Variants in CDH13 observed in about 807,000 individuals in gnomAD.
CDH13 encodes cadherin 13, also known as cadherin-13.
A neutral mutation model predicts 63.8 loss-of-function variants in CDH13; 24 were observed. The observed-to-expected ratio is 0.38, with a 90% CI of 0.27 to 0.53. The LOEUF (loss-of-function observed/expected upper bound fraction) is 0.53. Among genes scored for constraint, CDH13 ranks in the 20% least tolerant of loss-of-function variants. The pLI, the probability that CDH13 is intolerant of heterozygous loss-of-function variation, is 0.85. For synonymous variants in CDH13, 503 were observed against 355.3 expected (o/e 1.42, Z -4.67); for missense variants, 1,049 against 903.1 (o/e 1.16, Z -2.07).
chr16:82,958,482 C>A (rs1174039081), intron 2 of CDH13, among the ~76,000 whole-genome samples: 1 of 152,078 alleles, frequency 6.6e-6, no homozygotes, highest in Non-Finnish European at 1.5e-5. Flanking sequence ...GCAAAATTAT[C>A]CTGAAAAATT....
At chr16:82,966,208 G>T (rs1331963663) in intron 2 of CDH13, among the ~76,000 whole-genome samples, 2 of 152,186 alleles carry the variant, frequency 1.3e-5, no homozygotes, top group African/African-American at 4.8e-5. Flanking sequence ...GAGTGCAGTG[G>T]TGCGATCTCG....
intron 3 of CDH13, among the ~76,000 whole-genome samples, chr16:83,109,739 TG>T (rs2034968631): frequency 6.6e-6 from 1 of 152,200 alleles, no homozygotes; most frequent in African/African-American, 2.4e-5. Context: ...TGCCTCCAGC[TG>T]GTCACAAGTA....
At chr16:83,389,720 C>A (rs2091747496) in intron 6 of CDH13, among the ~76,000 whole-genome samples, 1 of 152,180 alleles carries the variant, frequency 6.6e-6, no homozygotes, top group Non-Finnish European at 1.5e-5. Flanking sequence ...AGACTCCCCT[C>A]AAACTCCAAT....
chr16:82,748,641 A>C (rs2034283554), intron 1 of CDH13, among the ~76,000 whole-genome samples: 1 of 152,184 alleles, frequency 6.6e-6, no homozygotes, highest in Non-Finnish European at 1.5e-5. Context: ...CTCTGTTAAT[A>C]ATTGTACATT....
At chr16:82,838,890 C>T (rs1422926238) in intron 1 of CDH13, among the ~76,000 whole-genome samples, 1 of 152,292 alleles carries the variant, frequency 6.6e-6, no homozygotes, top group South Asian at 2.1e-4. Flanking sequence ...GTGGGTTCAA[C>T]CCACAAGTCT....
intron 1 of CDH13, among the ~76,000 whole-genome samples, chr16:82,771,071 G>A (rs139826745): frequency 1.0e-3 from 155 of 152,248 alleles, no homozygotes; most frequent in African/African-American, 3.7e-3. Context: ...TGACTTTAGC[G>A]TGAATTGAAA....
intron 8 of CDH13, among the ~76,000 whole-genome samples, chr16:83,658,455 C>A (rs1324019745): frequency 1.4e-5 from 2 of 145,424 alleles, no homozygotes; most frequent in Admixed American, 6.7e-5. Context: ...TCCTCACCAG[C>A]AAGGTCCCAT....
chr16:83,154,179 C>T (rs371207535), intron 4 of CDH13, among the ~76,000 whole-genome samples: 36 of 152,146 alleles, frequency 2.4e-4, no homozygotes, highest in East Asian at 3.9e-4. Context: ...TGCCATGACA[C>T]GAGCTTATCC....
At chr16:83,543,304 A>G (rs1434791124) in intron 7 of CDH13, among the ~76,000 whole-genome samples, 1 of 152,220 alleles carries the variant, frequency 6.6e-6, no homozygotes, top group Non-Finnish European at 1.5e-5. Context: ...ATATTTTAAA[A>G]ACAACCTTAG....
At chr16:83,467,215 G>C (rs1310931930) in intron 6 of CDH13, among the ~76,000 whole-genome samples, 1 of 152,142 alleles carries the variant, frequency 6.6e-6, no homozygotes, top group African/African-American at 2.4e-5. Flanking sequence ...GGTTCCAAGA[G>C]AAAACAAATA....
At chr16:83,328,123 CAA>C (rs56838139) in intron 5 of CDH13, among the ~76,000 whole-genome samples, 98,570 of 135,556 alleles carry the variant, frequency 0.73, 35,572 homozygotes, top group Middle Eastern at 0.81. Flanking sequence ...ACAGTATTGT[CAA>C]AAAAAAAAAA....
chr16:83,106,559 C>T (rs991410219), intron 3 of CDH13, among the ~76,000 whole-genome samples: 1 of 151,896 alleles, frequency 6.6e-6, no homozygotes, highest in African/African-American at 2.4e-5. Context: ...CAAAACAAAA[C>T]AATACAAAAC....
At chr16:83,664,713 T>C (rs1307034251) in intron 8 of CDH13, among the ~76,000 whole-genome samples, 2 of 152,122 alleles carry the variant, frequency 1.3e-5, no homozygotes, top group Non-Finnish European at 2.9e-5. Context: ...GGATATCCAA[T>C]TGATCTAGCA....
chr16:83,589,293 C>A (rs1190233290), intron 7 of CDH13, among the ~76,000 whole-genome samples: 2 of 128,710 alleles, frequency 1.6e-5, no homozygotes, highest in Non-Finnish European at 3.3e-5. Flanking sequence ...CCCCCGGACC[C>A]CTCTCCCTCC....
chr16:82,717,991 G>T (rs1567461936), intron 1 of CDH13, among the ~76,000 whole-genome samples: 1 of 152,214 alleles, frequency 6.6e-6, no homozygotes, highest in Non-Finnish European at 1.5e-5. Context: ...TTCTGTGTGT[G>T]CAGGGATGCT....
At chr16:82,673,019 T>G (rs890350079) in intron 1 of CDH13, among the ~76,000 whole-genome samples, 1 of 145,370 alleles carries the variant, frequency 6.9e-6, no homozygotes, top group African/African-American at 2.6e-5. Context: ...TTTTTTTTTT[T>G]GTAGAGATGA....
In CDH13 at chr16:83,281,914, A is replaced by C. The variant is rs143545099; in HGVS notation, c.637-62948A>C. Among the ~76,000 whole-genome samples, 4 of 152,252 alleles carry C rather than the reference A, an allele frequency of 2.6e-5. 1 individual carries two copies. The highest frequency in any genetic ancestry group is 1.9e-4 in the East Asian group (1 of 5,168). ...GGCAACAGAGCGGGACTCCGTTTCT[A>C]AATAAATAAATAAATAAAATTTTAG... On this transcript the variant is annotated intron_variant, in intron 5 of 13. Transcript: ENST00000567109.
intron 10 of CDH13, among the ~76,000 whole-genome samples, chr16:83,720,019 A>G (rs530119224): frequency 2.0e-5 from 3 of 152,260 alleles, no homozygotes; most frequent in South Asian, 2.1e-4. Flanking sequence ...CCTCATATTC[A>G]AGATGGAATC....
chr16:82,926,217 T>G (rs1181382782), intron 2 of CDH13, among the ~76,000 whole-genome samples: 1 of 150,692 alleles, frequency 6.6e-6, no homozygotes, highest in African/African-American at 2.5e-5. Flanking sequence ...GCCATTAGTG[T>G]GCAAAAGCAC....
Sources: allele counts gnomAD v4.1 joint callset (sites outside exome capture counted in the v4.1 genomes callset), GRCh38; gene constraint gnomAD v4.1.1; transcripts MANE v1.5; gene names NCBI Gene and HGNC (gene_info 2026-07-23, HGNC 2026-07-21).